Variants in GLI3 observed in about 807,000 individuals in gnomAD.
GLI3 encodes the protein GLI family zinc finger 3.
GLI3 carries 20 observed loss-of-function variants against 100.8 expected under a neutral mutation model. The observed-to-expected ratio is 0.20, with a 90% CI of 0.14 to 0.29. The LOEUF (loss-of-function observed/expected upper bound fraction) is 0.29. GLI3 is among the 10% of genes least tolerant of loss of function. The pLI is 1.00. For synonymous variants in GLI3, 938 were observed against 860.5 expected (o/e 1.09, Z -1.58); for missense variants, 2,040 against 2,128.5 (o/e 0.96, Z 0.82).
chr7:42,026,106 C>G (rs1441396990), intron 8 of GLI3, 93 bp downstream of exon 8: 1 of 799,224 alleles, frequency 1.3e-6, no homozygotes, highest in Non-Finnish European at 2.2e-6. Context: ...TGTGAGAACA[C>G]AGAGGTGCCG....
intron 1 of GLI3, among the ~76,000 whole-genome samples, chr7:42,230,086 G>A (rs1057069956): frequency 1.3e-5 from 1 of 78,532 alleles, no homozygotes; most frequent in African/African-American, 4.7e-5. Flanking sequence ...GCCTTTTTCT[G>A]CAAGGGTTGG....
intron 4 of GLI3, among the ~76,000 whole-genome samples, chr7:42,055,135 G>C (rs1442955531): frequency 6.7e-6 from 1 of 149,092 alleles, no homozygotes; most frequent in Non-Finnish European, 1.5e-5. Flanking sequence ...ACACATATAT[G>C]TTTTTCTTCC....
At chr7:42,144,866 T>G (rs1786663957) in intron 3 of GLI3, among the ~76,000 whole-genome samples, 1 of 152,132 alleles carries the variant, frequency 6.6e-6, no homozygotes, top group African/African-American at 2.4e-5. Flanking sequence ...GAGGAGTCTT[T>G]TCTTTTGACC....
intron 3 of GLI3, among the ~76,000 whole-genome samples, chr7:42,133,115 G>A (rs3801200): frequency 1.3e-5 from 2 of 152,076 alleles, no homozygotes; most frequent in East Asian, 3.9e-4. Context: ...TAACTTTGAA[G>A]AATGGAATTT....
intron 7 of GLI3, among the ~76,000 whole-genome samples, chr7:42,028,869 A>G (rs1789201975): frequency 6.6e-6 from 1 of 152,142 alleles, no homozygotes; most frequent in African/African-American, 2.4e-5. Context: ...TTCCCACCGC[A>G]GTTTCCTAGG....
intron 10 of GLI3, among the ~76,000 whole-genome samples, chr7:42,012,983 G>C (rs1207483151): frequency 6.6e-6 from 1 of 152,206 alleles, no homozygotes; most frequent in Non-Finnish European, 1.5e-5. Context: ...ACAAGGGAGA[G>C]CCTAAAGAAA....
chr7:41,972,911 T>TTCCAAGTGTATCTGGCAC lies in GLI3; in HGVS notation c.1813-285_1813-284insGTGCCAGATACACTTGGA, dbSNP rs1474872655. Among the ~76,000 whole-genome samples the TTCCAAGTGTATCTGGCAC allele has an allele frequency of 2.0e-5, 3 of 152,308 alleles. No homozygotes were observed. The highest frequency in any genetic ancestry group is 6.5e-5 in the Admixed American group (1 of 15,308). The stretch of plus-strand genomic sequence containing the variant: ...TTGATGTTCTTGGAAGCATTTACAC[T>TTCCAAGTGTATCTGGCAC]GTGAGTGAGAAGTATCACGGTGCCA... On this transcript the variant is annotated intron_variant, in intron 12 of 14. Coordinates refer to ENST00000395925, the MANE Select transcript of GLI3 (RefSeq NM_000168.6). The surrounding 1 kb of genome is among the most constrained non-coding windows in gnomAD (Gnocchi z 4.4).
At chr7:42,140,055 C>T (rs61663963) in intron 3 of GLI3, among the ~76,000 whole-genome samples, 4,725 of 152,306 alleles carry the variant, frequency 0.031, 216 homozygotes, top group African/African-American at 0.11. Context: ...TTCTCAAGTC[C>T]TGCAGATGTC....
At chr7:42,001,364 G>A (rs1322919021) in intron 10 of GLI3, among the ~76,000 whole-genome samples, 1 of 151,772 alleles carries the variant, frequency 6.6e-6, no homozygotes, top group Non-Finnish European at 1.5e-5. Context: ...TATGATCAAT[G>A]GTGTTAGGAG....
intron 4 of GLI3, among the ~76,000 whole-genome samples, chr7:42,066,615 A>G (rs1390789446): frequency 6.6e-6 from 1 of 152,194 alleles, no homozygotes; most frequent in East Asian, 1.9e-4. Context: ...AGACTCCAGA[A>G]GTGTTCAAGG....
At chr7:42,108,939 C>T (rs1048052132) in intron 3 of GLI3, among the ~76,000 whole-genome samples, 51 of 152,082 alleles carry the variant, frequency 3.4e-4, no homozygotes, top group African/African-American at 1.1e-3. Flanking sequence ...ACCCTCCCAC[C>T]CCTGTCTCTG....
chr7:42,261,846 T>C (rs1190303440), intron 1 of GLI3, among the ~76,000 whole-genome samples: 1 of 146,868 alleles, frequency 6.8e-6, no homozygotes, highest in African/African-American at 2.6e-5. Flanking sequence ...TAAGGAACAG[T>C]CTTTGTTTTC....
intron 3 of GLI3, among the ~76,000 whole-genome samples, chr7:42,131,980 TAAAACA>T (rs948787442): frequency 6.6e-6 from 1 of 152,052 alleles, no homozygotes; most frequent in Non-Finnish European, 1.5e-5. Context: ...CCAAAAGAAC[TAAAACA>T]AAAACAGTGA....
intron 1 of GLI3, among the ~76,000 whole-genome samples, chr7:42,257,327 C>G (rs112666632): frequency 0.017 from 2,558 of 151,580 alleles, 27 homozygotes; most frequent in South Asian, 0.032. Context: ...AAAGCAGGCC[C>G]CTGATATTAG....
chr7:42,238,786 G>A (rs1788889320), upstream of GLI3, among the ~76,000 whole-genome samples: 1 of 152,148 alleles, frequency 6.6e-6, no homozygotes, highest in African/African-American at 2.4e-5. Flanking sequence ...GAAAAAGAAA[G>A]AAAAGAAAGC....
chr7:42,150,912 T>C (rs1196062977), intron 2 of GLI3, among the ~76,000 whole-genome samples: 1 of 152,068 alleles, frequency 6.6e-6, no homozygotes, highest in East Asian at 1.9e-4. Flanking sequence ...AGGAGGGTAA[T>C]CGGGGCGGCG....
intron 2 of GLI3, among the ~76,000 whole-genome samples, chr7:42,182,910 T>C (rs1396161223): frequency 6.6e-6 from 1 of 151,470 alleles, no homozygotes; most frequent in Non-Finnish European, 1.5e-5. Flanking sequence ...GGCGAAACCC[T>C]GTCTCTACTA....
At chr7:42,067,771 A>T (rs1784704883) in intron 4 of GLI3, among the ~76,000 whole-genome samples, 1 of 150,656 alleles carries the variant, frequency 6.6e-6, no homozygotes, top group Admixed American at 6.6e-5. Flanking sequence ...GGGGAACCTT[A>T]AAAAAAAAGC....
At chr7:42,184,653 C>T (rs1458926513) in intron 2 of GLI3, among the ~76,000 whole-genome samples, 1 of 152,166 alleles carries the variant, frequency 6.6e-6, no homozygotes, top group Non-Finnish European at 1.5e-5. Context: ...ATGCCCAACC[C>T]AGAGACACAG....
Sources: allele counts gnomAD v4.1 joint callset (sites outside exome capture counted in the v4.1 genomes callset), GRCh38; gene constraint gnomAD v4.1.1; non-coding constraint Gnocchi (gnomAD v3.1); transcripts MANE v1.5; gene names NCBI Gene and HGNC (gene_info 2026-07-23, HGNC 2026-07-21).